Variants in ITPR1 observed in about 807,000 individuals in gnomAD.
ITPR1 encodes inositol 1,4,5-trisphosphate-gated calcium channel ITPR1.
In ITPR1, 96 loss-of-function variants were observed where a neutral mutation model predicts 318.4. The observed-to-expected ratio is 0.30, with a 90% confidence interval of 0.26 to 0.36. The LOEUF is 0.36. Among genes scored for constraint, ITPR1 ranks in the 10% least tolerant of loss-of-function variants. The pLI is 1.00. For missense variants in ITPR1, 2,440 were observed against 3,460.2 expected (o/e 0.71, Z 7.40); for synonymous variants, 1,312 against 1,289.9 (o/e 1.02, Z -0.37).
Position 4,815,263 on chromosome 3 carries a change from G to A in ITPR1, c.7867+45G>A, listed in dbSNP as rs774042350. Reference sequence around the variant, plus strand: ...TCCAGCAAGGGCGTGAAGGCCCAGCGTGGCAGAGGCATGTGGATACTGCGA... The same window carrying A: ...TCCAGCAAGGGCGTGAAGGCCCAGCATGGCAGAGGCATGTGGATACTGCGA... On this transcript the variant is annotated intron_variant, in intron 59 of 61. Transcript: ENST00000649015. The A allele has an allele frequency of 5.4e-5, 87 of 1,598,304 alleles. No homozygotes were observed. The Admixed American group carries it at 1.1e-3, about 21-fold the overall frequency.
At chr3:4,754,637 C>T (rs1346298393) in intron 44 of ITPR1, among the ~76,000 whole-genome samples, 3 of 152,188 alleles carry the variant, frequency 2.0e-5, no homozygotes, top group Non-Finnish European at 4.4e-5. Flanking sequence ...TTTTAAAGCC[C>T]TCTGATTCCT....
chr3:4,769,060 T>C (rs114361907), intron 46 of ITPR1, among the ~76,000 whole-genome samples: 1 of 151,938 alleles, frequency 6.6e-6, no homozygotes, highest in Admixed American at 6.6e-5. Flanking sequence ...GAGGAGTGCC[T>C]GGCTAATTTT....
At chr3:4,713,940 A>C (rs1251973244) in intron 39 of ITPR1, among the ~76,000 whole-genome samples, 1 of 152,186 alleles carries the variant, frequency 6.6e-6, no homozygotes, top group African/African-American at 2.4e-5. Context: ...AGCCACTCCA[A>C]ACCTGCAAGA....
intron 5 of ITPR1, among the ~76,000 whole-genome samples, chr3:4,629,835 C>T (rs925261841): frequency 4.6e-5 from 7 of 152,010 alleles, no homozygotes; most frequent in African/African-American, 1.5e-4. Context: ...AAGGAAGTGC[C>T]GAGTAAGCCT....
intron 44 of ITPR1, among the ~76,000 whole-genome samples, chr3:4,744,917 CT>C: frequency 3.2e-5 from 1 of 30,992 alleles, no homozygotes; most frequent in Non-Finnish European, 6.6e-5. Context: ...TCCTTCCTTC[CT>C]TCCTTCCTTC....
chr3:4,771,522 T>C (rs977938066), intron 46 of ITPR1, among the ~76,000 whole-genome samples: 2 of 152,318 alleles, frequency 1.3e-5, no homozygotes, highest in East Asian at 3.9e-4. Flanking sequence ...AGTAAGGCTT[T>C]AATTGCACAG....
chr3:4,703,925 T>C (rs1452252042), intron 36 of ITPR1, among the ~76,000 whole-genome samples: 1 of 152,158 alleles, frequency 6.6e-6, no homozygotes, highest in Non-Finnish European at 1.5e-5. Context: ...GGCCCTGCAA[T>C]GAAATTCCCA....
At chr3:4,524,906 C>T (rs1044715681) in intron 4 of ITPR1, among the ~76,000 whole-genome samples, 1 of 152,126 alleles carries the variant, frequency 6.6e-6, no homozygotes, top group Non-Finnish European at 1.5e-5. Flanking sequence ...ATAATAGGCT[C>T]TATCTCATAA....
rs1020417441 is a variant in ITPR1 at position 4,811,518 on chromosome 3, T to C, written c.7468+58T>C. 5 of 1,412,172 alleles carry C rather than the reference T, an allele frequency of 3.5e-6. No homozygotes were observed. In the Admixed American group the frequency reaches 5.5e-5, roughly 15 times the overall value. 87.5% of individuals were successfully genotyped at this position (1,412,172 alleles called of 1,614,324 possible). On this transcript the variant is annotated intron_variant, in intron 56 of 61. Transcript: ENST00000649015. ...TAAAAGATTATTTCCTGATTATAAC[T>C]GAACTAAAGAAAATAACGACTTTAG...
chr3:4,687,029 G>T (rs537014494), intron 30 of ITPR1, among the ~76,000 whole-genome samples: 1 of 152,294 alleles, frequency 6.6e-6, no homozygotes, highest in East Asian at 1.9e-4. Flanking sequence ...GTCAAAGCTG[G>T]GAGCTCACCT....
At chr3:4,552,888 T>G (rs1575507333) in intron 4 of ITPR1, among the ~76,000 whole-genome samples, 1 of 152,174 alleles carries the variant, frequency 6.6e-6, no homozygotes, top group East Asian at 1.9e-4. Context: ...TTTTAGGGGT[T>G]GTATGCCAGG....
Position 4,634,801 on chromosome 3 carries a change from C to T in ITPR1, c.280-4583C>T, listed in dbSNP as rs527990904. 7.9e-5 allele frequency among the ~76,000 whole-genome samples: 12 copies of T among 152,252 alleles called. No individual in the cohort carries two copies. In the South Asian group the frequency reaches 1.7e-3, roughly 21 times the overall value. The stretch of plus-strand genomic sequence containing the variant: ...TTGCCCAGGCTGGAGTACAGTGGTG[C>T]GATCTTGGCTCACTGCAACCTCCAC... On this transcript the variant is annotated intron_variant, in intron 5 of 61. Coordinates refer to ENST00000649015, the MANE Select transcript of ITPR1 (RefSeq NM_001378452.1).
chr3:4,789,557 A>T (rs2047419769), intron 52 of ITPR1, among the ~76,000 whole-genome samples: 1 of 152,142 alleles, frequency 6.6e-6, no homozygotes, highest in South Asian at 2.1e-4. Context: ...CTTCACTGGG[A>T]TATTCCATCA....
chr3:4,588,937 C>A (rs927859450), intron 4 of ITPR1, among the ~76,000 whole-genome samples: 4 of 152,200 alleles, frequency 2.6e-5, no homozygotes, highest in Non-Finnish European at 5.9e-5. Context: ...CTACTTCTCA[C>A]CACCTAGTCT....
At chr3:4,605,623 T>G (rs1026114000) in intron 4 of ITPR1, among the ~76,000 whole-genome samples, 1 of 152,178 alleles carries the variant, frequency 6.6e-6, no homozygotes, top group Non-Finnish European at 1.5e-5. Context: ...GCAGAAAGAA[T>G]ATGAATGATC....
chr3:4,820,946 C>T (rs1044739386), intron 60 of ITPR1, among the ~76,000 whole-genome samples: 1 of 152,184 alleles, frequency 6.6e-6, no homozygotes, highest in Non-Finnish European at 1.5e-5. Context: ...GCAGAGGCTA[C>T]AAGACCACCT....
At chr3:4,515,581 C>A (rs2082122123) in intron 2 of ITPR1, among the ~76,000 whole-genome samples, 1 of 152,174 alleles carries the variant, frequency 6.6e-6, no homozygotes, top group Non-Finnish European at 1.5e-5. Flanking sequence ...TAGCTTTTTA[C>A]AATTGGTTCC....
At chr3:4,745,898 G>C (rs762591985) in intron 44 of ITPR1, among the ~76,000 whole-genome samples, 4 of 152,200 alleles carry the variant, frequency 2.6e-5, no homozygotes, top group African/African-American at 9.6e-5. Flanking sequence ...CAAGCTAGAA[G>C]CTTTGCAGTC....
In ITPR1 at chr3:4,691,241, T is replaced by C; in HGVS notation, c.3926T>C (p.Ile1309Thr). 6.2e-7 allele frequency: 1 copy of C among 1,612,682 alleles called. No homozygotes were observed. Among genetic ancestry groups the C allele is most frequent in the Non-Finnish European group, 8.5e-7 (1 of 1,178,836 alleles). ...GTTGTTCAGCACTTCGTTCACTGCA[T>C]AGAGACTCACGGTCGGAATGTCCAG... is the stretch of plus-strand genomic sequence containing the variant. Reference protein sequence around the residue: ...ERVVQHFVHCIETHGRNVQYI... With the variant: ...ERVVQHFVHCTETHGRNVQYI... Residue 1309 changes from isoleucine (I) to threonine (T), a missense_variant, in exon 32 of 62, where the codon ATA becomes ACA. By Grantham distance (89) the Ile-to-Thr change is moderately conservative (BLOSUM62 -1). This residue lies in a region of ITPR1 where 222 missense variants were observed against 318.8 expected (regional missense o/e 0.70). Coordinates refer to ENST00000649015, the MANE Select transcript of ITPR1 (RefSeq NM_001378452.1).
Sources: allele counts gnomAD v4.1 joint callset (sites outside exome capture counted in the v4.1 genomes callset), GRCh38; gene constraint gnomAD v4.1.1; regional missense constraint gnomAD v4.1.1; transcripts MANE v1.5; gene names NCBI Gene and HGNC (gene_info 2026-07-23, HGNC 2026-07-21).